WDTC1: variants seen among roughly 807,000 people sequenced by gnomAD.
WDTC1 encodes the protein WD and tetratricopeptide repeats protein 1.
In WDTC1, 12 loss-of-function variants were observed where a neutral mutation model predicts 76.0. The ratio of observed to expected loss-of-function variants is 0.16; its 90% CI spans 0.10 to 0.26. The LOEUF (loss-of-function observed/expected upper bound fraction) is 0.26. Among genes scored for constraint, WDTC1 ranks in the 10% least tolerant of loss-of-function variants. The pLI is 1.00. For missense variants in WDTC1, 511 were observed against 908.8 expected (o/e 0.56, Z 5.63); for synonymous variants, 326 against 350.8 (o/e 0.93, Z 0.79).
At chr1:27,247,712 C>CTTTTTTTTT (rs35930144) in intron 1 of WDTC1, among the ~76,000 whole-genome samples, 1 of 136,558 alleles carries the variant, frequency 7.3e-6, no homozygotes, top group Non-Finnish European at 1.6e-5. Flanking sequence ...CATTTTCTTT[C>CTTTTTTTTT]TTTTTTTTTT....
intron 3 of WDTC1, among the ~76,000 whole-genome samples, chr1:27,276,705 GAA>G (rs2013038549): frequency 6.7e-6 from 1 of 149,066 alleles, no homozygotes; most frequent in Non-Finnish European, 1.5e-5. Flanking sequence ...AAAAAAAAAA[GAA>G]AAGAAAAAAA....
rs771473859 is a variant in WDTC1, at chr1:27,303,573, G to A, written c.1469-48G>A. 6.5e-7 allele frequency: 1 copy of A among 1,532,962 alleles called. No individual in the cohort carries two copies. The highest frequency in any genetic ancestry group is 2.3e-5 in the Admixed American group (1 of 43,326). 95.0% of individuals were successfully genotyped at this position (1,532,962 alleles called of 1,614,324 possible). A position where few individuals can be genotyped will look rare whatever the true frequency, so the allele number is the denominator to read the frequency against. ...GCCATAGGTGGGGGAAAATAGGGAA[G>A]GAGAGAAAGGAACAAGGCGCTTACC... is the stretch of plus-strand genomic sequence containing the variant. On this transcript the variant is annotated intron_variant, in intron 13 of 15. Coordinates refer to ENST00000319394, the MANE Select transcript of WDTC1 (RefSeq NM_001276252.2). This position sits in a 1 kb window ranked among gnomAD's most constrained non-coding sequence, Gnocchi z 4.8.
At chr1:27,260,467 A>G (rs2012442660) in intron 1 of WDTC1, among the ~76,000 whole-genome samples, 1 of 152,070 alleles carries the variant, frequency 6.6e-6, no homozygotes, top group Non-Finnish European at 1.5e-5. Flanking sequence ...TCACCATTAC[A>G]TTTCCTTTAC....
At chr1:27,238,460 T>C (rs1329991075) in intron 1 of WDTC1, among the ~76,000 whole-genome samples, 2 of 152,018 alleles carry the variant, frequency 1.3e-5, no homozygotes, top group Non-Finnish European at 2.9e-5. Flanking sequence ...ATTGCAGATA[T>C]TCAAGCAGAG....
chr1:27,265,349 C>T (rs756887430), intron 3 of WDTC1, among the ~76,000 whole-genome samples: 13 of 152,086 alleles, frequency 8.5e-5, no homozygotes, highest in Non-Finnish European at 1.8e-4. Flanking sequence ...AAATGTAAAA[C>T]AATGCCACTC....
At chr1:27,300,470 C>G (rs989313765) in intron 12 of WDTC1, among the ~76,000 whole-genome samples, 1 of 152,140 alleles carries the variant, frequency 6.6e-6, no homozygotes, top group Non-Finnish European at 1.5e-5. Flanking sequence ...AGGGGCTTCT[C>G]TGACCTCCTT....
intron 3 of WDTC1, among the ~76,000 whole-genome samples, chr1:27,270,829 C>T (rs1448290565): frequency 6.6e-6 from 1 of 152,216 alleles, no homozygotes; most frequent in Non-Finnish European, 1.5e-5. Flanking sequence ...ATTTTGTCTT[C>T]CCACTGGCAA....
chr1:27,234,556 C>G (rs1352857775), upstream of WDTC1: 5 of 383,958 alleles, frequency 1.3e-5, no homozygotes, highest in Non-Finnish European at 9.2e-6. Flanking sequence ...AGCGGCCGGG[C>G]GCAGTCTTCG....
At position 27,301,501 on chromosome 1, in the gene WDTC1, C is replaced by T. The variant is rs780335373; in HGVS notation, c.1468+40C>T. On this transcript the variant is annotated intron_variant, in intron 13 of 15. Coordinates refer to ENST00000319394, the MANE Select transcript of WDTC1 (RefSeq NM_001276252.2). This position sits in a 1 kb window ranked among gnomAD's most constrained non-coding sequence, Gnocchi z 5.8. ...AGGAGGGGGTGCTGTTACTCTTTCT[C>T]TTTGAGATGCTGCATGACATTCTGG... 2.5e-6 allele frequency: 4 copies of T among 1,591,896 alleles called. No homozygotes were observed. The African/African-American group carries it at 4.0e-5, about 16-fold the overall frequency.
At chr1:27,236,604 C>A (rs2011494933) in intron 1 of WDTC1, among the ~76,000 whole-genome samples, 1 of 152,068 alleles carries the variant, frequency 6.6e-6, no homozygotes, top group Non-Finnish European at 1.5e-5. Flanking sequence ...CAACTATTTA[C>A]CAGTTTCATA....
chr1:27,299,984 CAG>C (rs879611172), intron 12 of WDTC1, among the ~76,000 whole-genome samples: 3 of 152,168 alleles, frequency 2.0e-5, no homozygotes, highest in African/African-American at 7.2e-5. Flanking sequence ...CCCAGGAGCT[CAG>C]AGGGGCACCT....
At chr1:27,283,578 C>G in intron 5 of WDTC1, 129 bp downstream of exon 5, 1 of 707,172 alleles carries the variant, frequency 1.4e-6, no homozygotes, top group South Asian at 1.9e-5. Context: ...ACCTTATGAT[C>G]TAAGTATCTG....
intron 1 of WDTC1, among the ~76,000 whole-genome samples, chr1:27,237,874 A>AT (rs1481200638): frequency 1.3e-5 from 2 of 149,496 alleles, no homozygotes; most frequent in Admixed American, 1.3e-4. Flanking sequence ...AAAAAAAAAA[A>AT]AGAAAAGAAA....
intron 7 of WDTC1, among the ~76,000 whole-genome samples, chr1:27,293,179 T>A (rs1306267858): frequency 6.6e-6 from 1 of 151,292 alleles, no homozygotes; most frequent in Non-Finnish European, 1.5e-5. Context: ...ACGCCTGTAA[T>A]CCCAGCACTT....
intron 1 of WDTC1, among the ~76,000 whole-genome samples, chr1:27,257,903 G>C (rs1373801061): frequency 1.3e-5 from 2 of 152,062 alleles, no homozygotes; most frequent in Non-Finnish European, 2.9e-5. Flanking sequence ...TGATTATCCT[G>C]CCTCAGCCTC....
At chr1:27,240,906 T>C (rs1290414231) in intron 1 of WDTC1, among the ~76,000 whole-genome samples, 1 of 144,822 alleles carries the variant, frequency 6.9e-6, no homozygotes, top group Non-Finnish European at 1.5e-5. Flanking sequence ...ACTCAGAAGG[T>C]GGAGGTTGCA....
chr1:27,256,727 T>C (rs1422141860), intron 1 of WDTC1, among the ~76,000 whole-genome samples: 2 of 152,238 alleles, frequency 1.3e-5, no homozygotes, highest in African/African-American at 2.4e-5. Context: ...CTCATTGATA[T>C]ATCCCTTCAT....
intron 6 of WDTC1, among the ~76,000 whole-genome samples, chr1:27,291,197 A>C (rs990570535): frequency 6.6e-6 from 1 of 152,228 alleles, no homozygotes; most frequent in African/African-American, 2.4e-5. Flanking sequence ...AGAGTTTGCA[A>C]AGGCAGAAAT....
At chr1:27,295,877 C>A (rs904421246) in intron 9 of WDTC1, among the ~76,000 whole-genome samples, 2 of 152,006 alleles carry the variant, frequency 1.3e-5, no homozygotes, top group Non-Finnish European at 2.9e-5. Flanking sequence ...GTGATTCCCC[C>A]ACCTCAGCCT....
Sources: allele counts gnomAD v4.1 joint callset (sites outside exome capture counted in the v4.1 genomes callset), GRCh38; gene constraint gnomAD v4.1.1; non-coding constraint Gnocchi (gnomAD v3.1); transcripts MANE v1.5; gene names NCBI Gene and HGNC (gene_info 2026-07-23, HGNC 2026-07-21).